The following IGSF9 variants were observed in gnomAD, a reference collection of about 807,000 sequenced individuals.
IGSF9 encodes immunoglobulin superfamily member 9.
IGSF9 carries 87 observed loss-of-function variants against 121.7 expected under a neutral mutation model. The ratio of observed to expected loss-of-function variants is 0.71; its 90% CI spans 0.60 to 0.85. The LOEUF (loss-of-function observed/expected upper bound fraction) is 0.85. Among genes scored for constraint, IGSF9 ranks in the 40% least tolerant of loss-of-function variants. The pLI, the probability that IGSF9 is intolerant of heterozygous loss-of-function variation, is 0.00. For missense variants in IGSF9, 1,462 were observed against 1,565.3 expected (o/e 0.93, Z 1.11); for synonymous variants, 640 against 648.4 (o/e 0.99, Z 0.20).
chr1:159,927,681 G>T, intron 20 of IGSF9, 79 bp downstream of exon 20: 1 of 1,566,180 alleles, frequency 6.4e-7, no homozygotes, highest in Non-Finnish European at 8.7e-7. Context: ...GCCTGACTGG[G>T]AATAGATGGG....
chr1:159,929,003 T>C lies in IGSF9; in HGVS notation c.2385A>G (p.Ser795=), dbSNP rs376320222. The C allele has an allele frequency of 2.0e-4, 305 of 1,519,346 alleles. 3 individuals carry two copies. In the Middle Eastern group the frequency reaches 7.9e-3, roughly 39 times the overall value. The allele number at this position is 1,519,346 out of a possible 1,614,324, so 94.1% of individuals were successfully genotyped here. ...GKSAAPSALG[S]GSPDSVAKLK... Reference sequence around the variant, plus strand: ...GCTTCGCCACGCTGTCAGGACTGCCTGAGCCCAGAGCAGAGCTGGGGAAGG... The same window carrying C: ...GCTTCGCCACGCTGTCAGGACTGCCCGAGCCCAGAGCAGAGCTGGGGAAGG... Residue 795 remains serine (S), a synonymous_variant, in exon 19 of 21, where the codon TCA becomes TCG. Transcript: ENST00000368094.
chr1:159,934,021 G>A, intron 9 of IGSF9, 169 bp downstream of exon 9: 2 of 768,972 alleles, frequency 2.6e-6, no homozygotes, highest in Non-Finnish European at 2.0e-6. Flanking sequence ...TTTTTCCTCA[G>A]GGGTTTTAAG....
Position 159,943,526 on chromosome 1 carries a change from T to A in IGSF9, c.-72A>T. 1 of 1,398,414 alleles carries A rather than the reference T, an allele frequency of 7.2e-7. No individual in the cohort carries two copies. Among genetic ancestry groups the A allele is most frequent in the South Asian group, 1.5e-5 (1 of 67,878 alleles). The allele number at this position is 1,398,414 out of a possible 1,614,324, so 86.6% of individuals were successfully genotyped here. A position where few individuals can be genotyped will look rare whatever the true frequency, so the allele number is the denominator to read the frequency against. ...AGATGGAGGGGCCAAGGGATGTCCT[T>A]CTGATCAGCTCAGGGAACAGGTTTC... On this transcript the variant is annotated 5_prime_UTR_variant, in exon 2 of 21. Coordinates refer to ENST00000368094, the MANE Select transcript of IGSF9 (RefSeq NM_001135050.2).
chr1:159,944,117 G>A (rs1651506996), intron 1 of IGSF9, among the ~76,000 whole-genome samples: 1 of 152,040 alleles, frequency 6.6e-6, no homozygotes, highest in Non-Finnish European at 1.5e-5. Context: ...GACAAATAAG[G>A]GCCCTGAGGA....
intron 3 of IGSF9, among the ~76,000 whole-genome samples, chr1:159,941,547 G>A (rs1006640954): frequency 2.0e-5 from 3 of 152,254 alleles, no homozygotes; most frequent in African/African-American, 7.2e-5. Flanking sequence ...AGACCCACAG[G>A]TAGACAAAGT....
chr1:159,941,945 C>T (rs1472741544), intron 3 of IGSF9, among the ~76,000 whole-genome samples: 1 of 152,268 alleles, frequency 6.6e-6, no homozygotes. Flanking sequence ...CTGCCTGCAC[C>T]TCCTCCCCTC....
chr1:159,942,934 C>T, intron 3 of IGSF9, 29 bp downstream of exon 3: 1 of 1,599,084 alleles, frequency 6.3e-7, no homozygotes, highest in Non-Finnish European at 8.5e-7. Flanking sequence ...CTGATACCTC[C>T]CTACCTCCCA....
rs750271633 is a variant in IGSF9 at position 159,927,709 on chromosome 1, G to T, written c.3358+51C>A. On this transcript the variant is annotated intron_variant, in intron 20 of 20. Coordinates refer to ENST00000368094, the MANE Select transcript of IGSF9 (RefSeq NM_001135050.2). The stretch of plus-strand genomic sequence containing the variant: ...TAGATGGGTCCTAAGGTGGCGGGGG[G>T]ATGTGGGACAGTATGGCCGAGATGC... 5.6e-6 allele frequency: 9 copies of T among 1,597,032 alleles called. No homozygotes were observed. The South Asian group carries it at 1.0e-4, about 18-fold the overall frequency.
At position 159,944,923 on chromosome 1, in the gene IGSF9, A is replaced by AC. The variant is rs1383820350; in HGVS notation, c.-175+649dup. Among the ~76,000 whole-genome samples the AC allele has an allele frequency of 4.0e-5, 6 of 151,830 alleles. No homozygotes were observed. In the East Asian group the frequency reaches 1.2e-3, roughly 29 times the overall value. On this transcript the variant is annotated intron_variant, in intron 1 of 20. Transcript: ENST00000368094. ...AAAACCTTTTTCCAAGTATATAGGA[A>AC]CCCCCTAGTTCTCTCCTGGTTGTTT...
At chr1:159,933,376 A>G (rs1213669785) in intron 9 of IGSF9, 3 of 152,300 alleles carry the variant, frequency 2.0e-5, no homozygotes, top group Admixed American at 6.5e-5. Flanking sequence ...ACTGAGTACT[A>G]TTGTTGTAGA....
rs757410598 is a variant in IGSF9, at chr1:159,943,060, GGGCC to G, written c.146_149del (p.Arg49ProfsTer81). On this transcript the variant is annotated frameshift_variant, in exon 3 of 21. Coordinates refer to ENST00000368094, the MANE Select transcript of IGSF9 (RefSeq NM_001135050.2). LOFTEE classifies it high-confidence loss of function. ...GCAGCCACTCGATGACATGCAGGGGGGGCCGGCCGGCCGGGGGCAGCAGGTCACA... is the reference window on the plus strand; with the variant it reads ...GCAGCCACTCGATGACATGCAGGGGGGGCCGGCCGGGGGCAGCAGGTCACA... 6 of 1,613,156 alleles carry G rather than the reference GGGCC, an allele frequency of 3.7e-6. No homozygotes were observed. Among genetic ancestry groups the G allele is most frequent in the East Asian group, 2.2e-5 (1 of 44,816 alleles).
intron 3 of IGSF9, among the ~76,000 whole-genome samples, chr1:159,941,364 A>G (rs1651373008): frequency 6.6e-6 from 1 of 152,204 alleles, no homozygotes; most frequent in Non-Finnish European, 1.5e-5. Flanking sequence ...GTGAGGCAGT[A>G]AAAGGGTTAA....
chr1:159,928,793 C>T lies in IGSF9; in HGVS notation c.2595G>A (p.Arg865=), dbSNP rs1397521453. The change falls in exon 19 of 21, where the codon AGG becomes AGA. Residue 865 remains arginine, a synonymous_variant. Transcript: ENST00000368094. ...MGPTVAAPQE[R]SGREQAEPRT... is the part of the protein sequence containing the mutation. ...GAGGTTCTGCCTGCTCCCGGCCTGA[C>T]CTTTCCTGGGGGGCCGCCACAGTGG... is the stretch of plus-strand genomic sequence containing the variant. 8.7e-6 allele frequency: 13 copies of T among 1,486,420 alleles called. No individual in the cohort carries two copies. The highest frequency in any genetic ancestry group is 1.2e-5 in the Non-Finnish European group (13 of 1,116,662). The allele number at this position is 1,486,420 out of a possible 1,614,324, so 92.1% of individuals were successfully genotyped here.
chr1:159,931,311 C>T lies in IGSF9; in HGVS notation c.1514-50G>A, dbSNP rs768954910. On this transcript the variant is annotated intron_variant, in intron 12 of 20. Coordinates refer to ENST00000368094, the MANE Select transcript of IGSF9 (RefSeq NM_001135050.2). This position sits in a 1 kb window ranked among gnomAD's most constrained non-coding sequence, Gnocchi z 4.8. ...GGTGGTCAGGGCCTGAGGGAGTGTACAGAGTAGCAGGGGCCCCAGGGCCAC... is the reference window on the plus strand; with the variant it reads ...GGTGGTCAGGGCCTGAGGGAGTGTATAGAGTAGCAGGGGCCCCAGGGCCAC... The T allele has an allele frequency of 1.2e-6, 2 of 1,610,422 alleles. No individual in the cohort carries two copies. The highest frequency in any genetic ancestry group is 3.3e-5 in the Admixed American group (2 of 59,822).
intron 3 of IGSF9, among the ~76,000 whole-genome samples, chr1:159,940,177 C>T (rs1651329882): frequency 6.6e-6 from 1 of 152,220 alleles, no homozygotes; most frequent in Non-Finnish European, 1.5e-5. Flanking sequence ...CTTCTTTCTC[C>T]AGACGCGGCG....
Position 159,928,485 on chromosome 1 carries a change from C to A in IGSF9, c.2903G>T (p.Arg968Leu). The change falls in exon 19 of 21, where the codon CGT becomes CTT. Residue 968 changes from arginine (R) to leucine (L), a missense_variant. Physicochemically the swap from Arg to Leu is moderately radical, Grantham distance 102. Coordinates refer to ENST00000368094, the MANE Select transcript of IGSF9 (RefSeq NM_001135050.2). Reference protein sequence around the residue: ...TRRCPTSSFLRSPETPPVSPR... With the variant: ...TRRCPTSSFLLSPETPPVSPR... ...GGATACAGGAGGGGTTTCTGGAGAA[C>A]GAAGGAAAGATGAGGTGGGACAGCG... is the stretch of plus-strand genomic sequence containing the variant. 1 of 1,585,354 alleles carries A rather than the reference C, an allele frequency of 6.3e-7. No homozygotes were observed. The highest frequency in any genetic ancestry group is 8.6e-7 in the Non-Finnish European group (1 of 1,163,352).
Position 159,932,838 on chromosome 1 carries a change from C to G in IGSF9, c.1105-186G>C. ...CTTTCCTTCCTGCAGAGGGACCCCTCCCAATAGTGTGAGGCTGTGACTGCA... is the reference window on the plus strand; with the variant it reads ...CTTTCCTTCCTGCAGAGGGACCCCTGCCAATAGTGTGAGGCTGTGACTGCA... On this transcript the variant is annotated intron_variant, in intron 9 of 20. Transcript: ENST00000368094. This position sits in a 1 kb window ranked among gnomAD's most constrained non-coding sequence, Gnocchi z 4.1. The G allele has an allele frequency of 3.4e-6, 2 of 593,856 alleles. No homozygotes were observed. Among genetic ancestry groups the G allele is most frequent in the Non-Finnish European group, 5.8e-6 (2 of 345,254 alleles). 36.8% of individuals were successfully genotyped at this position (593,856 alleles called of 1,614,324 possible). A position where few individuals can be genotyped will look rare whatever the true frequency, so the allele number is the denominator to read the frequency against.
rs774946705 is a variant in IGSF9, at chr1:159,931,230, G to A, written c.1545C>T (p.Ser515=). 2.2e-5 allele frequency: 36 copies of A among 1,613,996 alleles called. No individual in the cohort carries two copies. The highest frequency in any genetic ancestry group is 8.9e-5 in the East Asian group (4 of 44,890). ...GTSPHVVTNV[S]VVALPKGANV... ...TGGCACCCTTGGGCAAAGCCACCAC[G>A]GACACATTGGTGACAACATGAGGGC... Residue 515 remains serine (S), a synonymous_variant, in exon 13 of 21, where the codon TCC becomes TCT. Transcript: ENST00000368094. The surrounding 1 kb of genome is among the most constrained non-coding windows in gnomAD (Gnocchi z 4.8).
chr1:159,935,837 C>T (rs149017676), intron 6 of IGSF9, among the ~76,000 whole-genome samples: 47 of 152,312 alleles, frequency 3.1e-4, no homozygotes, highest in African/African-American at 1.1e-3. Flanking sequence ...TTCCTGATGC[C>T]ACAGACGACA....
Sources: allele counts gnomAD v4.1 joint callset (sites outside exome capture counted in the v4.1 genomes callset), GRCh38; gene constraint gnomAD v4.1.1; non-coding constraint Gnocchi (gnomAD v3.1); transcripts MANE v1.5; gene names NCBI Gene and HGNC (gene_info 2026-07-23, HGNC 2026-07-21).